The following DAB1 variants were observed in gnomAD, a reference collection of about 807,000 sequenced individuals.
DAB1 encodes the protein disabled homolog 1.
DAB1 carries 15 observed loss-of-function variants against 64.6 expected under a neutral mutation model. The observed-to-expected ratio is 0.23, with a 90% CI of 0.16 to 0.36. The LOEUF is 0.36. DAB1 is among the 10% of genes least tolerant of loss of function. DAB1 has a pLI of 1.00. For synonymous variants in DAB1, 235 were observed against 251.9 expected, an observed-to-expected ratio of 0.93 and a Z score of 0.64; for missense variants, 596 against 706.7, an observed-to-expected ratio of 0.84 and a Z score of 1.78.
chr1:57,016,393 G>A (rs1389595452), intron 11 of DAB1, among the ~76,000 whole-genome samples: 1 of 151,934 alleles, frequency 6.6e-6, no homozygotes, highest in Non-Finnish European at 1.5e-5. Flanking sequence ...ACCAGCTTTA[G>A]CAACATAACA....
intron 6 of DAB1, among the ~76,000 whole-genome samples, chr1:57,726,376 C>T (rs75149567): frequency 1.3e-5 from 2 of 151,996 alleles, no homozygotes; most frequent in African/African-American, 4.8e-5. Flanking sequence ...ACTAGGAAAG[C>T]CTTTCATTGA....
At chr1:57,997,598 AT>A (rs1220169210) in intron 5 of DAB1, among the ~76,000 whole-genome samples, 4 of 152,066 alleles carry the variant, frequency 2.6e-5, no homozygotes, top group African/African-American at 9.7e-5. Flanking sequence ...ACAGCATCCG[AT>A]TTGGGGAGGA....
chr1:58,205,536 A>G (rs1479238575), intron 4 of DAB1, among the ~76,000 whole-genome samples: 1 of 152,178 alleles, frequency 6.6e-6, no homozygotes, highest in Non-Finnish European at 1.5e-5. Flanking sequence ...ATAGTTAAAT[A>G]TATAAAGTGG....
rs1289360839 is a variant in DAB1, at chr1:57,098,602, TA to T, written c.307-26189del. On this transcript the variant is annotated intron_variant, in intron 4 of 14. Coordinates refer to ENST00000371236, the MANE Select transcript of DAB1 (RefSeq NM_001365792.1). The stretch of plus-strand genomic sequence containing the variant: ...AAAACAGAAATCAAACTGCATCATA[TA>T]AAAGTCTCTGATTTATCATGCATAC... 1.3e-5 allele frequency among the ~76,000 whole-genome samples: 2 copies of T among 152,204 alleles called. 1 individual carries two copies. The highest frequency in any genetic ancestry group is 3.8e-4 in the East Asian group (2 of 5,200).
At chr1:57,018,913 G>T (rs549415139) in intron 11 of DAB1, among the ~76,000 whole-genome samples, 1 of 152,258 alleles carries the variant, frequency 6.6e-6, no homozygotes, top group East Asian at 1.9e-4. Flanking sequence ...TCTTGTCTCT[G>T]CTGGCCCATC....
At chr1:57,866,204 T>C (rs1421170048) in intron 1 of DAB1, 2 of 152,226 alleles carry the variant, frequency 1.3e-5, no homozygotes, top group African/African-American at 4.8e-5. Context: ...ATAATTAGTA[T>C]AGTATTAGCT....
chr1:57,833,773 A>C (rs775908708), intron 1 of DAB1, among the ~76,000 whole-genome samples: 2 of 152,208 alleles, frequency 1.3e-5, no homozygotes, highest in Non-Finnish European at 2.9e-5. Context: ...ATCATTTGGC[A>C]TGGATGACAA....
chr1:57,635,657 A>G (rs1180074044), intron 7 of DAB1, among the ~76,000 whole-genome samples: 3 of 152,210 alleles, frequency 2.0e-5, no homozygotes, highest in Admixed American at 1.3e-4. Flanking sequence ...ATGTAATAAT[A>G]ATATAAATAA....
At chr1:57,541,067 T>G (rs554914911) in intron 7 of DAB1, among the ~76,000 whole-genome samples, 1 of 151,988 alleles carries the variant, frequency 6.6e-6, no homozygotes, top group South Asian at 2.1e-4. Context: ...TATGCATATA[T>G]CAAAATATGA....
At chr1:57,707,597 A>G (rs897868945) in intron 6 of DAB1, among the ~76,000 whole-genome samples, 1 of 152,212 alleles carries the variant, frequency 6.6e-6, no homozygotes, top group Non-Finnish European at 1.5e-5. Context: ...AAATTGCCCA[A>G]TTATATTCCA....
rs571207476 is a variant in DAB1 at position 58,452,600 on chromosome 1, A to G, written n.257+53460T>C. On this transcript the variant is annotated intron_variant and non_coding_transcript_variant, in intron 3 of 20. Coordinates refer to the DAB1 transcript ENST00000485760. The stretch of plus-strand genomic sequence containing the variant: ...CAAGGCAGGCGGATCACCTGAGGTC[A>G]GGAGTTCAAGACCAGCCTGGCCAAC... 4.6e-5 allele frequency among the ~76,000 whole-genome samples: 7 copies of G among 151,076 alleles called. No homozygotes were observed. The South Asian group carries it at 1.5e-3, about 32-fold the overall frequency.
rs200140880 is a variant in DAB1, at chr1:58,069,784, CTG to C, written n.387+80725_387+80726del. 4.5e-3 allele frequency among the ~76,000 whole-genome samples: 690 copies of C among 152,304 alleles called. 4 individuals carry two copies. The highest frequency in any genetic ancestry group is 0.016 in the African/African-American group (650 of 41,558). On this transcript the variant is annotated intron_variant and non_coding_transcript_variant, in intron 5 of 20. Coordinates refer to the DAB1 transcript ENST00000485760. ...TATCCCCATTTCAGAGCTGAGGAAA[CTG>C]AGGCTCAAAAAGTTGTCAACATGTA...
At chr1:58,254,080 A>G (rs1022741183) in intron 4 of DAB1, among the ~76,000 whole-genome samples, 1 of 152,216 alleles carries the variant, frequency 6.6e-6, no homozygotes, top group Non-Finnish European at 1.5e-5. Flanking sequence ...CAGAGGAGGC[A>G]GGACCACCCT....
intron 4 of DAB1, among the ~76,000 whole-genome samples, chr1:58,165,759 A>G (rs1276384375): frequency 6.6e-6 from 1 of 152,218 alleles, no homozygotes; most frequent in Non-Finnish European, 1.5e-5. Context: ...GAAGAATAAG[A>G]GGAAAGAGAA....
intron 4 of DAB1, among the ~76,000 whole-genome samples, chr1:57,116,683 G>A (rs1201308300): frequency 6.6e-6 from 1 of 152,002 alleles, no homozygotes; most frequent in Non-Finnish European, 1.5e-5. Context: ...ATGTTCTTAG[G>A]GCCAATATTG....
chr1:57,330,232 C>G (rs1340702406), intron 1 of DAB1, among the ~76,000 whole-genome samples: 2 of 152,122 alleles, frequency 1.3e-5, no homozygotes, highest in Admixed American at 1.3e-4. Context: ...AAAGGAGGGG[C>G]TTTCCTTGTT....
At chr1:57,031,126 G>T (rs562037619) in intron 9 of DAB1, among the ~76,000 whole-genome samples, 1 of 152,096 alleles carries the variant, frequency 6.6e-6, no homozygotes, top group Non-Finnish European at 1.5e-5. Context: ...AGGATTAAAC[G>T]AGAAAAACAT....
At chr1:58,219,819 T>C (rs1217288115) in intron 4 of DAB1, among the ~76,000 whole-genome samples, 5 of 152,248 alleles carry the variant, frequency 3.3e-5, no homozygotes, top group South Asian at 2.1e-4. Flanking sequence ...ATTGATTAGC[T>C]GTGCAATCAG....
At chr1:57,850,299 A>G (rs1022881406) in intron 1 of DAB1, among the ~76,000 whole-genome samples, 1 of 151,844 alleles carries the variant, frequency 6.6e-6, no homozygotes, top group African/African-American at 2.4e-5. Context: ...AAAGTGGCTT[A>G]GTGCCTTTCT....
Sources: allele counts gnomAD v4.1 joint callset (sites outside exome capture counted in the v4.1 genomes callset), GRCh38; gene constraint gnomAD v4.1.1; transcripts MANE v1.5; gene names NCBI Gene and HGNC (gene_info 2026-07-23, HGNC 2026-07-21).